Variants in SLC15A1 observed in about 807,000 individuals in gnomAD.
SLC15A1 encodes Caco-2 oligopeptide transporter.
A neutral mutation model predicts 92.9 loss-of-function variants in SLC15A1; 83 were observed. The ratio of observed to expected loss-of-function variants is 0.89; its 90% CI spans 0.75 to 1.07. The LOEUF is 1.07. SLC15A1 is among the 50% of genes least tolerant of loss of function. The pLI is 0.00. For missense variants in SLC15A1, 857 were observed against 880.1 expected (o/e 0.97, Z 0.33); for synonymous variants, 322 against 318.2 (o/e 1.01, Z -0.13).
At position 98,746,776 on chromosome 13, in the gene SLC15A1, T is replaced by A. The variant is rs149717296; in HGVS notation, c.4+5819A>T. ...TTGTTCCATATCCCCACATCATACC[T>A]GGAGGACTCTAAACCCTCTCTCCAA... On this transcript the variant is annotated intron_variant, in intron 1 of 22. Transcript: ENST00000376503. Among the ~76,000 whole-genome samples, 7 of 152,280 alleles carry A rather than the reference T, an allele frequency of 4.6e-5. No individual in the cohort carries two copies. The East Asian group carries it at 1.2e-3, about 25-fold the overall frequency.
intron 1 of SLC15A1, among the ~76,000 whole-genome samples, chr13:98,750,529 T>C (rs1397583264): frequency 1.3e-5 from 2 of 152,168 alleles, no homozygotes; most frequent in Admixed American, 1.3e-4. Context: ...CACTTTCCTA[T>C]TCATTCAGAA....
rs1240890753 is a variant in SLC15A1, at chr13:98,742,375, C to T, written c.4+10220G>A. 3.3e-5 allele frequency among the ~76,000 whole-genome samples: 5 copies of T among 152,314 alleles called. No homozygotes were observed. In the East Asian group the frequency reaches 5.8e-4, roughly 18 times the overall value. ...TGTACCTCTTCCATGCAAAGTCTGT[C>T]GCCATCTGTCGTGTGCTGGACAGCC... On this transcript the variant is annotated intron_variant, in intron 1 of 22. Coordinates refer to ENST00000376503, the MANE Select transcript of SLC15A1 (RefSeq NM_005073.4).
At chr13:98,752,341 G>A (rs2088553520) in intron 1 of SLC15A1, among the ~76,000 whole-genome samples, 1 of 152,090 alleles carries the variant, frequency 6.6e-6, no homozygotes, top group South Asian at 2.1e-4. Flanking sequence ...GTGCCCCACG[G>A]GCGGGCGGGC....
At chr13:98,737,450 A>G (rs991420611) in intron 1 of SLC15A1, among the ~76,000 whole-genome samples, 3 of 152,202 alleles carry the variant, frequency 2.0e-5, no homozygotes, top group Admixed American at 6.5e-5. Context: ...TATGTAACAA[A>G]CCTGCACATT....
At chr13:98,715,799 G>A in intron 9 of SLC15A1, 79 bp downstream of exon 9, 2 of 1,172,512 alleles carry the variant, frequency 1.7e-6, no homozygotes, top group Non-Finnish European at 1.3e-6. Flanking sequence ...GAAAGTCAAA[G>A]CTTAAATTTT....
chr13:98,702,649 A>G, intron 17 of SLC15A1, 120 bp from the exon 18 acceptor site: 1 of 816,982 alleles, frequency 1.2e-6, no homozygotes. Context: ...ACCTAAGGAC[A>G]TGGTTACATT....
intron 1 of SLC15A1, among the ~76,000 whole-genome samples, chr13:98,747,212 A>C (rs1330908496): frequency 1.3e-5 from 2 of 152,180 alleles, no homozygotes; most frequent in African/African-American, 4.8e-5. Flanking sequence ...CGCTCAGCTG[A>C]GAATACTGCT....
intron 1 of SLC15A1, among the ~76,000 whole-genome samples, chr13:98,737,743 G>T (rs190603785): frequency 1.3e-5 from 2 of 152,296 alleles, no homozygotes; most frequent in East Asian, 3.9e-4. Context: ...CAGAAAAATG[G>T]TACTGAGGAA....
chr13:98,726,503 G>T, intron 2 of SLC15A1, 54 bp from the exon 3 acceptor site: 1 of 1,519,248 alleles, frequency 6.6e-7, no homozygotes, highest in Non-Finnish European at 9.1e-7. Context: ...CTGGTCCATA[G>T]CCACAAAGGA....
intron 21 of SLC15A1, among the ~76,000 whole-genome samples, chr13:98,686,989 G>A (rs1472361543): frequency 4.2e-5 from 6 of 141,182 alleles, no homozygotes; most frequent in African/African-American, 8.0e-5. Context: ...GCTCTGTTGC[G>A]CATGCTGGAG....
intron 1 of SLC15A1, among the ~76,000 whole-genome samples, chr13:98,727,942 A>G (rs2088316528): frequency 6.6e-6 from 1 of 152,054 alleles, no homozygotes; most frequent in Admixed American, 6.5e-5. Flanking sequence ...GTGCCTCAGA[A>G]TCACCAGAGG....
chr13:98,747,097 C>T (rs2088499420), intron 1 of SLC15A1, among the ~76,000 whole-genome samples: 1 of 152,130 alleles, frequency 6.6e-6, no homozygotes, highest in African/African-American at 2.4e-5. Flanking sequence ...GGTCCAGTGT[C>T]CTCCGCAATA....
chr13:98,687,843 C>A, intron 20 of SLC15A1, 119 bp from the exon 21 acceptor site: 1 of 1,208,736 alleles, frequency 8.3e-7, no homozygotes, highest in Non-Finnish European at 1.2e-6. Context: ...CAAGTACGTA[C>A]ACATTTTAAA....
At chr13:98,703,539 C>CTTTTTTTTTTTT (rs771426478) in intron 17 of SLC15A1, among the ~76,000 whole-genome samples, 1 of 85,544 alleles carries the variant, frequency 1.2e-5, no homozygotes, top group Non-Finnish European at 2.0e-5. Context: ...GCTGCTGCTG[C>CTTTTTTTTTTTT]TTTTTTTTTT....
chr13:98,703,319 C>G (rs1462530012), intron 17 of SLC15A1, among the ~76,000 whole-genome samples: 4 of 152,088 alleles, frequency 2.6e-5, no homozygotes, highest in Non-Finnish European at 5.9e-5. Context: ...ACATGAGCCT[C>G]TACAATTTTT....
chr13:98,752,319 A>G (rs2088553222), intron 1 of SLC15A1, among the ~76,000 whole-genome samples: 1 of 151,712 alleles, frequency 6.6e-6, no homozygotes, highest in Admixed American at 6.6e-5. Flanking sequence ...GGGTGGGAAT[A>G]CGAGGATTAC....
intron 18 of SLC15A1, among the ~76,000 whole-genome samples, chr13:98,692,958 T>C (rs1354634308): frequency 6.6e-6 from 1 of 151,948 alleles, no homozygotes; most frequent in Non-Finnish European, 1.5e-5. Context: ...AGGCTGGTCT[T>C]GAAATCCTGG....
intron 18 of SLC15A1, among the ~76,000 whole-genome samples, chr13:98,693,377 C>T (rs1180521303): frequency 1.3e-5 from 2 of 152,136 alleles, no homozygotes; most frequent in Non-Finnish European, 2.9e-5. Flanking sequence ...GGATTACAGG[C>T]GTGAGCCACT....
intron 8 of SLC15A1, among the ~76,000 whole-genome samples, chr13:98,718,460 C>T (rs1398584145): frequency 1.3e-5 from 2 of 151,574 alleles, no homozygotes; most frequent in African/African-American, 4.9e-5. Flanking sequence ...GCTGGGACTA[C>T]AGGTATAAGC....
Sources: allele counts gnomAD v4.1 joint callset (sites outside exome capture counted in the v4.1 genomes callset), GRCh38; gene constraint gnomAD v4.1.1; transcripts MANE v1.5; gene names NCBI Gene and HGNC (gene_info 2026-07-23, HGNC 2026-07-21).